NOX4: variants seen among roughly 807,000 people sequenced by gnomAD.
The protein encoded by NOX4 is NADPH oxidase 4, also known as kidney oxidase-1.
NOX4 carries 69 observed loss-of-function variants against 87.6 expected under a neutral mutation model. That is an observed-to-expected ratio of 0.79 (90% confidence interval 0.65 to 0.96). NOX4 has a LOEUF of 0.96. Ranked by LOEUF, NOX4 falls within the 40% of genes least tolerant of loss-of-function variation. The pLI, the probability that NOX4 is intolerant of heterozygous loss-of-function variation, is 0.00. For synonymous variants in NOX4, 275 were observed against 238.2 expected, an observed-to-expected ratio of 1.15 and a Z score of -1.42; for missense variants, 680 against 681.5, an observed-to-expected ratio of 1.00 and a Z score of 0.02.
At chr11:89,565,548 T>G in the NOX4 span, among the ~76,000 whole-genome samples, 1 of 152,106 alleles carries the variant, frequency 6.6e-6, no homozygotes, top group African/African-American at 2.4e-5. Context: ...ATTAGGAACT[T>G]TTTTTCTAAT....
intron 15 of NOX4, among the ~76,000 whole-genome samples, chr11:89,339,131 T>C (rs1311849399): frequency 1.3e-5 from 2 of 151,994 alleles, no homozygotes; most frequent in East Asian, 3.9e-4. Flanking sequence ...CACAAAGAGG[T>C]ATATATAATG....
At chr11:89,564,464 T>C in the NOX4 span, among the ~76,000 whole-genome samples, 2,391 of 152,236 alleles carry the variant, frequency 0.016, 55 homozygotes, top group African/African-American at 0.05. Flanking sequence ...GCCCCAGGGT[T>C]CAATCAGCTC....
intron 2 of NOX4, among the ~76,000 whole-genome samples, chr11:89,478,741 T>C (rs1334248635): frequency 2.0e-5 from 3 of 152,196 alleles, no homozygotes; most frequent in Admixed American, 6.5e-5. Context: ...AGAAACCCTG[T>C]AGATCCATTC....
intron 17 of NOX4, among the ~76,000 whole-genome samples, chr11:89,333,606 GC>G (rs1945568876): frequency 6.6e-6 from 1 of 151,644 alleles, no homozygotes; most frequent in South Asian, 2.1e-4. Context: ...AAAAACTGTT[GC>G]CCAACCCATG....
At chr11:89,436,252 T>C (rs529013639) in intron 6 of NOX4, among the ~76,000 whole-genome samples, 1 of 152,302 alleles carries the variant, frequency 6.6e-6, no homozygotes, top group South Asian at 2.1e-4. Context: ...TAAAGAGAGC[T>C]AAGCACTGAG....
intron 2 of NOX4, among the ~76,000 whole-genome samples, chr11:89,470,230 C>T (rs1945871405): frequency 6.6e-6 from 1 of 152,126 alleles, no homozygotes; most frequent in Admixed American, 6.6e-5. Flanking sequence ...GTCATCCACA[C>T]ATTTAAACTA....
chr11:89,470,489 G>T (rs1945884931), intron 2 of NOX4, among the ~76,000 whole-genome samples: 2 of 152,104 alleles, frequency 1.3e-5, no homozygotes, highest in South Asian at 4.1e-4. Flanking sequence ...TTTAGAAAAA[G>T]AGAATACCAA....
chr11:89,411,293 A>G (rs1942465657), intron 8 of NOX4, among the ~76,000 whole-genome samples: 1 of 152,138 alleles, frequency 6.6e-6, no homozygotes. Flanking sequence ...GTGACCCAGC[A>G]AATTCCCAAC....
intron 5 of NOX4, among the ~76,000 whole-genome samples, chr11:89,442,060 A>T (rs1185480185): frequency 6.7e-6 from 1 of 149,266 alleles, no homozygotes; most frequent in African/African-American, 2.4e-5. Context: ...TAAATACATA[A>T]GTATATATAC....
At chr11:89,438,195 T>C (rs985494131) in intron 6 of NOX4, among the ~76,000 whole-genome samples, 1 of 145,854 alleles carries the variant, frequency 6.9e-6, no homozygotes, top group African/African-American at 2.5e-5. Flanking sequence ...GAAGTATTAG[T>C]TATTAGTATA....
At chr11:89,416,064 C>G (rs528450941) in intron 8 of NOX4, among the ~76,000 whole-genome samples, 50 of 152,266 alleles carry the variant, frequency 3.3e-4, no homozygotes, top group Non-Finnish European at 6.2e-4. Flanking sequence ...GCATTAGCCT[C>G]TCTTAAAACT....
intron 9 of NOX4, among the ~76,000 whole-genome samples, chr11:89,400,972 A>G (rs1941816031): frequency 6.6e-6 from 1 of 152,064 alleles, no homozygotes; most frequent in South Asian, 2.1e-4. Flanking sequence ...TATAATTTGG[A>G]AACCATGACA....
chr11:89,394,570 G>A (rs1318361486), intron 11 of NOX4, among the ~76,000 whole-genome samples: 5 of 152,104 alleles, frequency 3.3e-5, no homozygotes, highest in Non-Finnish European at 7.4e-5. Context: ...TGTTACATAT[G>A]TATACATGTG....
intron 12 of NOX4, among the ~76,000 whole-genome samples, 177 bp from the exon 13 acceptor site, chr11:89,355,220 G>T (rs1431914282): frequency 1.3e-5 from 2 of 149,368 alleles, no homozygotes; most frequent in Non-Finnish European, 3.0e-5. Context: ...GTGTATGTAT[G>T]TGTGTGTGTG....
intron 2 of NOX4, among the ~76,000 whole-genome samples, chr11:89,482,722 T>C (rs1044304279): frequency 6.6e-6 from 1 of 152,094 alleles, no homozygotes; most frequent in South Asian, 2.1e-4. Context: ...TATATAAGAA[T>C]AATGCATATA....
In NOX4 at chr11:89,400,378, G is replaced by T; in HGVS notation, c.848C>A (p.Thr283Asn). The T allele has an allele frequency of 6.4e-7, 1 of 1,562,356 alleles. No individual in the cohort carries two copies. The highest frequency in any genetic ancestry group is 8.7e-7 in the Non-Finnish European group (1 of 1,155,966). ...CAAAGGTCCAGAAATCCAAAGCCAA[G>T]TCTAAGACAAATTTTTGAAAATATA... ...EPRFQANFPQ[T>N]WLWISGPLCL... Residue 283 changes from threonine to asparagine, a missense_variant and splice_region_variant, in exon 10 of 18, where the codon ACT becomes AAT. Coordinates refer to ENST00000263317, the MANE Select transcript of NOX4 (RefSeq NM_016931.5).
At chr11:89,506,999 T>A in the NOX4 span, among the ~76,000 whole-genome samples, 1 of 151,932 alleles carries the variant, frequency 6.6e-6, no homozygotes, top group Non-Finnish European at 1.5e-5. Context: ...TACTACAACA[T>A]GTATGAATCT....
intron 2 of NOX4, among the ~76,000 whole-genome samples, chr11:89,484,783 A>G (rs1298025677): frequency 1.3e-5 from 2 of 152,158 alleles, no homozygotes; most frequent in Non-Finnish European, 2.9e-5. Context: ...AAACAAGAAA[A>G]TTGTGTCTAA....
intron 4 of NOX4, among the ~76,000 whole-genome samples, chr11:89,445,608 T>C (rs748481144): frequency 6.6e-6 from 1 of 151,988 alleles, no homozygotes; most frequent in Non-Finnish European, 1.5e-5. Context: ...GCAAAAGCAA[T>C]ACAAAGAAGA....
Sources: gnomAD v4.1 joint callset for allele counts (sites outside exome capture counted in the v4.1 genomes callset) on GRCh38, gnomAD v4.1.1 for gene constraint, MANE v1.5 for transcripts, NCBI Gene and HGNC (gene_info 2026-07-23, HGNC 2026-07-21) for gene names.